Variants in COL22A1 observed in about 807,000 individuals in gnomAD.
COL22A1 encodes collagen type XXII alpha 1 chain.
Under a neutral mutation model 248.9 loss-of-function variants are expected in COL22A1, and 221 were observed. The observed-to-expected ratio is 0.89, with a 90% CI of 0.80 to 0.99. The LOEUF is 0.99. Among genes scored for constraint, COL22A1 ranks in the 50% least tolerant of loss-of-function variants. The probability of loss-of-function intolerance (pLI) is 0.00; values close to 1 mark genes in which losing one functional copy is unlikely to be tolerated. For missense variants in COL22A1, 2,240 were observed against 2,179.0 expected (o/e 1.03, Z -0.56); for synonymous variants, 891 against 793.4 (o/e 1.12, Z -2.07).
chr8:138,754,878 A>T (rs1182016885), intron 21 of COL22A1, among the ~76,000 whole-genome samples: 1 of 152,208 alleles, frequency 6.6e-6, no homozygotes, highest in Admixed American at 6.5e-5. Context: ...AGAAACCCCC[A>T]TCATGGCCCG....
At chr8:138,820,576 C>T (rs1020010557) in intron 7 of COL22A1, among the ~76,000 whole-genome samples, 1 of 152,090 alleles carries the variant, frequency 6.6e-6, no homozygotes, top group African/African-American at 2.4e-5. Context: ...GTTGTTATCC[C>T]TAGTTGGTGC....
At chr8:138,808,640 G>A (rs190566694) in intron 9 of COL22A1, among the ~76,000 whole-genome samples, 15 of 152,170 alleles carry the variant, frequency 9.9e-5, no homozygotes, top group Admixed American at 7.9e-4. Context: ...AATGCAACAC[G>A]ATTAATATAA....
chr8:138,774,347 G>A (rs971444968), intron 16 of COL22A1, among the ~76,000 whole-genome samples: 3 of 151,406 alleles, frequency 2.0e-5, no homozygotes, highest in Admixed American at 2.0e-4. Context: ...AGCAGCCTAA[G>A]GAAATAATCA....
At chr8:138,833,178 G>A (rs768208881) in intron 4 of COL22A1, 28 bp from the exon 5 acceptor site, 1 of 1,488,048 alleles carries the variant, frequency 6.7e-7, no homozygotes, top group East Asian at 2.3e-5. Flanking sequence ...CTGGGAGTGA[G>A]TTTGGAGAAG....
At chr8:138,821,560 T>G in intron 6 of COL22A1, 149 bp from the exon 7 acceptor site, 3 of 771,382 alleles carry the variant, frequency 3.9e-6, no homozygotes, top group Non-Finnish European at 6.4e-6. Flanking sequence ...CACCTGAGCT[T>G]GGACAAATTC....
chr8:138,657,061 G>A (rs1055882277), intron 44 of COL22A1, among the ~76,000 whole-genome samples: 5 of 152,164 alleles, frequency 3.3e-5, no homozygotes, highest in African/African-American at 9.7e-5. Context: ...GTGTTGATAA[G>A]CTCAGAAATT....
rs187963813 is a variant in COL22A1 at position 138,727,781 on chromosome 8, G to C, written c.2140-2341C>G. Among the ~76,000 whole-genome samples the C allele has an allele frequency of 2.3e-4, 35 of 152,262 alleles. 1 individual carries two copies. In the East Asian group the frequency reaches 4.3e-3, roughly 19 times the overall value. ...CATCAGACACATTTGTTCACAGCTG[G>C]AGCAACGGAGGGGCAGGGCAGGGCT... On this transcript the variant is annotated intron_variant, in intron 23 of 64. Coordinates refer to ENST00000303045, the MANE Select transcript of COL22A1 (RefSeq NM_152888.3).
intron 22 of COL22A1, among the ~76,000 whole-genome samples, chr8:138,742,560 T>C (rs1831696923): frequency 6.6e-6 from 1 of 151,932 alleles, no homozygotes. Context: ...GTGATGGTGG[T>C]AGTGATAGTG....
intron 16 of COL22A1, among the ~76,000 whole-genome samples, chr8:138,767,276 A>C (rs1033761122): frequency 3.9e-5 from 6 of 152,156 alleles, no homozygotes; most frequent in African/African-American, 1.4e-4. Flanking sequence ...AGGGGAAAGA[A>C]AGACAAAGAA....
chr8:138,881,965 C>A (rs1824248157), intron 2 of COL22A1, among the ~76,000 whole-genome samples: 1 of 152,154 alleles, frequency 6.6e-6, no homozygotes, highest in African/African-American at 2.4e-5. Flanking sequence ...CTGCCCCGGG[C>A]CTTCTCATCT....
chr8:138,716,215 T>C lies in COL22A1; in HGVS notation c.2463+12A>G. 6.4e-7 allele frequency: 1 copy of C among 1,573,796 alleles called. No individual in the cohort carries two copies. The highest frequency in any genetic ancestry group is 2.3e-5 in the East Asian group (1 of 43,490). On this transcript the variant is annotated intron_variant, in intron 29 of 64. Coordinates refer to ENST00000303045, the MANE Select transcript of COL22A1 (RefSeq NM_152888.3). ...GGTTCCTGTGTGGGAGGAAGGAAGCTGCCACACTTACCTGGTCTCCTTTCT... is the reference window on the plus strand; with the variant it reads ...GGTTCCTGTGTGGGAGGAAGGAAGCCGCCACACTTACCTGGTCTCCTTTCT...
intron 16 of COL22A1, among the ~76,000 whole-genome samples, chr8:138,766,776 A>T (rs1438144902): frequency 6.6e-6 from 1 of 152,206 alleles, no homozygotes; most frequent in Non-Finnish European, 1.5e-5. Context: ...TGCCTGCCAC[A>T]GCATCTGGGA....
At chr8:138,822,010 G>C (rs986764839) in intron 6 of COL22A1, among the ~76,000 whole-genome samples, 10 of 151,260 alleles carry the variant, frequency 6.6e-5, no homozygotes, top group Admixed American at 1.3e-4. Context: ...TTCTGGAGAA[G>C]ATTTTACTGT....
intron 5 of COL22A1, among the ~76,000 whole-genome samples, chr8:138,832,413 G>T (rs1416370148): frequency 1.6e-4 from 25 of 152,140 alleles, no homozygotes; most frequent in Non-Finnish European, 1.5e-5. Context: ...AGATTTGTCT[G>T]CCTGTAATAA....
intron 56 of COL22A1, among the ~76,000 whole-genome samples, chr8:138,610,516 C>T (rs1178965711): frequency 6.6e-6 from 1 of 152,162 alleles, no homozygotes. Context: ...AGAAAGAACT[C>T]GGAACTATTC....
intron 23 of COL22A1, among the ~76,000 whole-genome samples, chr8:138,731,626 A>G (rs1421184609): frequency 1.3e-5 from 2 of 151,888 alleles, no homozygotes; most frequent in Non-Finnish European, 2.9e-5. Flanking sequence ...TGATGTGTTT[A>G]GTTAAAAAGT....
intron 25 of COL22A1, among the ~76,000 whole-genome samples, chr8:138,723,419 G>A (rs902870264): frequency 6.6e-6 from 1 of 152,182 alleles, no homozygotes; most frequent in Non-Finnish European, 1.5e-5. Flanking sequence ...AGGAGCAAAT[G>A]CCAAGGCCAG....
chr8:138,665,236 G>A (rs957087748), intron 41 of COL22A1, among the ~76,000 whole-genome samples: 6 of 152,230 alleles, frequency 3.9e-5, no homozygotes, highest in Non-Finnish European at 8.8e-5. Flanking sequence ...TGCCCTGGAG[G>A]GGAGCAGGAC....
intron 12 of COL22A1, among the ~76,000 whole-genome samples, chr8:138,795,513 CCTCT>C (rs969551019): frequency 8.4e-6 from 1 of 118,886 alleles, no homozygotes; most frequent in Non-Finnish European, 1.7e-5. Context: ...CTCTGTCTCT[CCTCT>C]CTCTCTTTCA....
Sources: allele counts gnomAD v4.1 joint callset (sites outside exome capture counted in the v4.1 genomes callset), GRCh38; gene constraint gnomAD v4.1.1; transcripts MANE v1.5; gene names NCBI Gene and HGNC (gene_info 2026-07-23, HGNC 2026-07-21).